BPGM: variants seen among roughly 807,000 people sequenced by gnomAD.
The protein encoded by BPGM is bisphosphoglycerate mutase, also known as 2,3-bisphosphoglycerate mutase, erythrocyte.
BPGM carries 15 observed loss-of-function variants against 21.6 expected under a neutral mutation model. The ratio of observed to expected loss-of-function variants is 0.70; its 90% confidence interval spans 0.47 to 1.07. BPGM has a LOEUF of 1.07. BPGM is among the 50% of genes least tolerant of loss of function. The pLI, the probability that BPGM is intolerant of heterozygous loss-of-function variation, is 0.00. For missense variants in BPGM, 273 were observed against 319.0 expected (o/e 0.86, Z 1.10); for synonymous variants, 113 against 116.2 (o/e 0.97, Z 0.18).
At chr7:134,650,786 G>A (rs2347690) in intron 1 of BPGM, among the ~76,000 whole-genome samples, 88,810 of 152,060 alleles carry the variant, frequency 0.58, 26,943 homozygotes, top group East Asian at 0.89. Context: ...TTAGCCGGGC[G>A]TGGTGACGGT....
At chr7:134,675,179 C>A (rs1168065785) in intron 2 of BPGM, among the ~76,000 whole-genome samples, 1 of 152,098 alleles carries the variant, frequency 6.6e-6, no homozygotes, top group Admixed American at 6.5e-5. Context: ...ATATGATATA[C>A]AAATTTTTCT....
Position 134,659,173 on chromosome 7 carries a change from AG to A in BPGM, c.-61-2272del, listed in dbSNP as rs1795689376. Among the ~76,000 whole-genome samples, 3 of 152,170 alleles carry A rather than the reference AG, an allele frequency of 2.0e-5. No individual in the cohort carries two copies. In the South Asian group the frequency reaches 6.2e-4, roughly 32 times the overall value. ...CAAGATAAACTGAGGGTGAAGGTAGAGGAACAGTTGATAGCTTCTTTTTTCT... is the reference window on the plus strand; with the variant it reads ...CAAGATAAACTGAGGGTGAAGGTAGAGAACAGTTGATAGCTTCTTTTTTCT... On this transcript the variant is annotated intron_variant, in intron 1 of 2. Transcript: ENST00000344924.
At chr7:134,656,513 G>T (rs577972150) in intron 1 of BPGM, among the ~76,000 whole-genome samples, 4 of 152,314 alleles carry the variant, frequency 2.6e-5, no homozygotes, top group African/African-American at 9.6e-5. Flanking sequence ...CAGCATGGCT[G>T]GAGAGGCCTC....
At chr7:134,676,856 T>C (rs1253270203) in intron 2 of BPGM, among the ~76,000 whole-genome samples, 2 of 152,198 alleles carry the variant, frequency 1.3e-5, no homozygotes, top group African/African-American at 4.8e-5. Flanking sequence ...CAACAGGCTG[T>C]TGACTTCCCC....
chr7:134,653,704 C>T (rs1322437569), intron 1 of BPGM, among the ~76,000 whole-genome samples: 1 of 152,120 alleles, frequency 6.6e-6, no homozygotes, highest in Non-Finnish European at 1.5e-5. Flanking sequence ...GGGAAACAGG[C>T]CTAAGACAAT....
intron 1 of BPGM, among the ~76,000 whole-genome samples, chr7:134,658,890 G>GTTTTTTTTTTTTTTTT (rs1284887799): frequency 4.4e-5 from 6 of 137,900 alleles, no homozygotes; most frequent in Admixed American, 1.5e-4. Context: ...GTGTGTGTGT[G>GTTTTTTTTTTTTTTTT]TATTTTTTTT....
At chr7:134,678,803 C>A (rs777137292) in intron 2 of BPGM, 50 bp from the exon 3 acceptor site, 2 of 1,528,680 alleles carry the variant, frequency 1.3e-6, no homozygotes, top group African/African-American at 2.7e-5. Flanking sequence ...AACAGAACTT[C>A]CTCCTGAGTT....
At position 134,678,925 on chromosome 7, in the gene BPGM, A is replaced by C. The variant is rs1585870259; in HGVS notation, c.674A>C (p.Asn225Thr). The change falls in exon 3 of 3, where the codon AAC (asparagine) becomes ACC (threonine). Residue 225 changes from asparagine to threonine, a missense_variant. Asn to Thr is a moderately conservative substitution (Grantham distance 65). Coordinates refer to ENST00000344924, the MANE Select transcript of BPGM (RefSeq NM_001724.5). ...GVPILLELDE[N>T]LRAVGPHQFL... ...CCCATTCTTCTGGAATTGGATGAAA[A>C]CCTGCGTGCTGTTGGGCCTCATCAG... 6.2e-7 allele frequency: 1 copy of C among 1,614,030 alleles called. No homozygotes were observed. The highest frequency in any genetic ancestry group is 8.5e-7 in the Non-Finnish European group (1 of 1,179,918).
intron 1 of BPGM, among the ~76,000 whole-genome samples, chr7:134,647,742 AGGTACTAAAGGTTTTTT>A (rs1203007030): frequency 5.3e-5 from 8 of 152,200 alleles, no homozygotes; most frequent in African/African-American, 1.9e-4. Flanking sequence ...TTTCACCTGT[AGGTACTAAAGGTTTTTT>A]AATAGTGAAA....
At chr7:134,663,987 A>G (rs762701969) in intron 2 of BPGM, among the ~76,000 whole-genome samples, 2 of 152,182 alleles carry the variant, frequency 1.3e-5, no homozygotes, top group Non-Finnish European at 2.9e-5. Flanking sequence ...AGAGAATTAC[A>G]TGTAGAGGTT....
rs547816871 is a variant in BPGM at position 134,650,784 on chromosome 7, G to T, written c.-62+3847G>T. ...AAAGATAACAAAAAAAATTAGCCGGGCGTGGTGACGGTCACCTGTGGTCCC... is the reference window on the plus strand; with the variant it reads ...AAAGATAACAAAAAAAATTAGCCGGTCGTGGTGACGGTCACCTGTGGTCCC... On this transcript the variant is annotated intron_variant, in intron 1 of 2. Transcript: ENST00000344924. Among the ~76,000 whole-genome samples, 49 of 152,306 alleles carry T rather than the reference G, an allele frequency of 3.2e-4. 1 individual carries two copies. The highest frequency in any genetic ancestry group is 1.1e-3 in the African/African-American group (46 of 41,568).
At chr7:134,666,099 C>T (rs914369919) in intron 2 of BPGM, among the ~76,000 whole-genome samples, 9 of 151,922 alleles carry the variant, frequency 5.9e-5, no homozygotes, top group Admixed American at 4.6e-4. Context: ...AGGCAGGTCT[C>T]GAACTCCTGG....
At chr7:134,656,895 G>A (rs10224846) in intron 1 of BPGM, among the ~76,000 whole-genome samples, 111,001 of 152,140 alleles carry the variant, frequency 0.73, 42,048 homozygotes, top group East Asian at 0.96. Context: ...CATCTGAGAC[G>A]AGGCAAGCCC....
At chr7:134,670,153 A>G (rs1279411083) in intron 2 of BPGM, among the ~76,000 whole-genome samples, 1 of 152,212 alleles carries the variant, frequency 6.6e-6, no homozygotes, top group Non-Finnish European at 1.5e-5. Flanking sequence ...GCACAGGACG[A>G]GGCAGTTTCA....
chr7:134,661,944 A>C lies in BPGM; in HGVS notation c.437A>C (p.Asp146Ala). ...AACGACCGGAGGTATAAAGTATGCG[A>C]TGTGCCCTTGGATCAACTGCCACGG... is the stretch of plus-strand genomic sequence containing the variant. Reference protein sequence around the residue: ...IYNDRRYKVCDVPLDQLPRSE... With the variant: ...IYNDRRYKVCAVPLDQLPRSE... Residue 146 changes from aspartate (D) to alanine (A), a missense_variant, in exon 2 of 3, where the codon GAT becomes GCT. Transcript: ENST00000344924. This position sits in a 1 kb window ranked among gnomAD's most constrained non-coding sequence, Gnocchi z 4.6. The C allele has an allele frequency of 6.2e-7, 1 of 1,614,158 alleles. No individual in the cohort carries two copies. The highest frequency in any genetic ancestry group is 1.1e-5 in the South Asian group (1 of 91,088).
intron 1 of BPGM, among the ~76,000 whole-genome samples, chr7:134,655,833 T>C (rs139677431): frequency 6.6e-6 from 1 of 152,348 alleles, no homozygotes; most frequent in African/African-American, 2.4e-5. Flanking sequence ...TGCCAAGCGA[T>C]GTGCTAGGTT....
chr7:134,653,190 T>C (rs1400747609), intron 1 of BPGM, among the ~76,000 whole-genome samples: 1 of 152,254 alleles, frequency 6.6e-6, no homozygotes. Context: ...GTATGGTGGC[T>C]TTCAGCTGCA....
Position 134,647,074 on chromosome 7 carries a change from C to G in BPGM, c.-62+137C>G, listed in dbSNP as rs144930222. On this transcript the variant is annotated intron_variant, in intron 1 of 2. Transcript: ENST00000344924. ...GTTGGTGGGAGTCTGGTGCCCACTC[C>G]AGCCCTCAAGCTGGGACCCTCACTT... 234 of 154,112 alleles carry G rather than the reference C, an allele frequency of 1.5e-3. 1 individual carries two copies. Among genetic ancestry groups the G allele is most frequent in the African/African-American group, 5.3e-3 (220 of 41,684 alleles). The allele number at this position is 154,112 out of a possible 1,614,324, so 9.5% of individuals were successfully genotyped here. A position where few individuals can be genotyped will look rare whatever the true frequency, so the allele number is the denominator to read the frequency against.
chr7:134,659,291 A>G (rs1433006822), intron 1 of BPGM, among the ~76,000 whole-genome samples: 2 of 152,064 alleles, frequency 1.3e-5, no homozygotes, highest in Non-Finnish European at 2.9e-5. Flanking sequence ...GGCTTCTACT[A>G]CTTGGTGGAT....
Sources: gnomAD v4.1 joint callset for allele counts (sites outside exome capture counted in the v4.1 genomes callset) on GRCh38, gnomAD v4.1.1 for gene constraint, Gnocchi (gnomAD v3.1) non-coding constraint, MANE v1.5 for transcripts, NCBI Gene and HGNC (gene_info 2026-07-23, HGNC 2026-07-21) for gene names.